Variants in TULP4 observed in about 807,000 individuals in gnomAD.
TULP4 encodes tubby-related protein 4.
Under a neutral mutation model 129.0 loss-of-function variants are expected in TULP4, and 16 were observed. The observed-to-expected ratio is 0.12, with a 90% CI of 0.08 to 0.19. The LOEUF (loss-of-function observed/expected upper bound fraction) is 0.19, where lower values mean the gene tolerates loss of function less well. Among genes scored for constraint, TULP4 ranks in the 10% least tolerant of loss-of-function variants. The pLI is 1.00. For missense variants in TULP4, 1,842 were observed against 2,059.1 expected (o/e 0.89, Z 2.04); for synonymous variants, 998 against 854.0 (o/e 1.17, Z -2.94).
chr6:158,441,379 A>G (rs1328738182), intron 3 of TULP4, among the ~76,000 whole-genome samples: 1 of 152,228 alleles, frequency 6.6e-6, no homozygotes, highest in African/African-American at 2.4e-5. Context: ...CTCTTGTCAC[A>G]TATACCTTCT....
intron 3 of TULP4, 123 bp from the exon 4 acceptor site, chr6:158,448,873 A>T: frequency 2.0e-6 from 2 of 977,902 alleles, no homozygotes; most frequent in Non-Finnish European, 2.9e-6. Context: ...TGCTGTTGTT[A>T]CTTAACTAGC....
At position 158,504,513 on chromosome 6, in the gene TULP4, A is replaced by ATT. The variant is rs769598967; in HGVS notation, c.4515+350_4515+351dup. ...ACGTGCCCGCCACCATGCCCGGCTAATTTTTTTTTTTTTTTTGTATTTTTA... is the reference window on the plus strand; with the variant it reads ...ACGTGCCCGCCACCATGCCCGGCTAATTTTTTTTTTTTTTTTTTGTATTTTTA... On this transcript the variant is annotated intron_variant, in intron 13 of 13. Transcript: ENST00000367097. 9.5e-3 allele frequency among the ~76,000 whole-genome samples: 1,313 copies of ATT among 138,932 alleles called. 20 individuals are homozygous for ATT. The highest frequency in any genetic ancestry group is 0.029 in the African/African-American group (1,079 of 37,524). The allele number at this position is 138,932 out of a possible 152,430, so 91.1% of individuals were successfully genotyped here.
intron 1 of TULP4, among the ~76,000 whole-genome samples, chr6:158,346,847 T>C (rs950349666): frequency 1.3e-5 from 2 of 152,220 alleles, no homozygotes; most frequent in Non-Finnish European, 2.9e-5. Flanking sequence ...TCTGATCTGC[T>C]ACTTGCTAAT....
chr6:158,284,342 A>G (rs1778803640), intron 1 of TULP4, among the ~76,000 whole-genome samples: 1 of 152,240 alleles, frequency 6.6e-6, no homozygotes, highest in South Asian at 2.1e-4. Flanking sequence ...GAAAACCCCA[A>G]GCTGAGAAAC....
Position 158,479,256 on chromosome 6 carries a change from A to G in TULP4, c.1027-495A>G, listed in dbSNP as rs187951490. ...TAGAAAAACAGCCCTTCAGTAAGGAATGTGAGTTACTGCACCACAAGGTGA... is the reference window on the plus strand; with the variant it reads ...TAGAAAAACAGCCCTTCAGTAAGGAGTGTGAGTTACTGCACCACAAGGTGA... On this transcript the variant is annotated intron_variant, in intron 6 of 13. Coordinates refer to ENST00000367097, the MANE Select transcript of TULP4 (RefSeq NM_020245.5). Among the ~76,000 whole-genome samples the G allele has an allele frequency of 4.3e-3, 648 of 152,304 alleles. 3 individuals are homozygous for G. Among genetic ancestry groups the G allele is most frequent in the South Asian group, 0.013 (61 of 4,822 alleles).
intron 1 of TULP4, among the ~76,000 whole-genome samples, chr6:158,387,256 T>C (rs1285194706): frequency 1.3e-5 from 2 of 152,108 alleles, no homozygotes; most frequent in Non-Finnish European, 2.9e-5. Flanking sequence ...CCCCTGCTGG[T>C]CAGGAACATC....
chr6:158,353,662 A>G (rs76545064), intron 1 of TULP4, among the ~76,000 whole-genome samples: 2,264 of 152,268 alleles, frequency 0.015, 57 homozygotes, highest in African/African-American at 0.052. Flanking sequence ...ATTGAGTGCT[A>G]TTTGTGGAGA....
chr6:158,346,251 A>G (rs560371951), intron 1 of TULP4, among the ~76,000 whole-genome samples: 71 of 152,336 alleles, frequency 4.7e-4, no homozygotes, highest in African/African-American at 1.5e-3. Context: ...TACGAAGATA[A>G]CAGGATTAAG....
chr6:158,257,808 G>A (rs1239032614), intron 1 of TULP4, among the ~76,000 whole-genome samples: 7 of 152,184 alleles, frequency 4.6e-5, no homozygotes, highest in East Asian at 1.9e-4. Context: ...GCAGCGGTAC[G>A]AAATAGAGAA....
At chr6:158,458,367 C>T (rs1432596650) in intron 5 of TULP4, among the ~76,000 whole-genome samples, 31 of 152,082 alleles carry the variant, frequency 2.0e-4, no homozygotes, top group Non-Finnish European at 1.0e-4. Flanking sequence ...AGACCGAAAA[C>T]CCACACCCCC....
chr6:158,314,335 G>T, intron 1 of TULP4, 67 bp downstream of exon 1: 2 of 1,553,156 alleles, frequency 1.3e-6, no homozygotes. Flanking sequence ...TTGTGGACTT[G>T]AAACTTCCTT....
At chr6:158,364,957 G>A (rs112149184) in intron 1 of TULP4, among the ~76,000 whole-genome samples, 8 of 151,922 alleles carry the variant, frequency 5.3e-5, no homozygotes, top group African/African-American at 1.4e-4. Context: ...GGATGGTCTC[G>A]ATCTCCTGAC....
intron 1 of TULP4, among the ~76,000 whole-genome samples, chr6:158,284,917 G>A (rs1392968646): frequency 3.9e-5 from 6 of 152,168 alleles, no homozygotes; most frequent in African/African-American, 1.4e-4. Context: ...GCTATGAAAG[G>A]TTAACCAGCA....
intron 1 of TULP4, among the ~76,000 whole-genome samples, chr6:158,251,783 C>T (rs1458858353): frequency 6.6e-6 from 1 of 152,174 alleles, no homozygotes; most frequent in Non-Finnish European, 1.5e-5. Context: ...TTTGACAGTG[C>T]AGAGTCTTTG....
intron 3 of TULP4, among the ~76,000 whole-genome samples, chr6:158,444,880 T>C (rs1009652698): frequency 6.6e-6 from 1 of 152,194 alleles, no homozygotes; most frequent in Admixed American, 6.5e-5. Flanking sequence ...GGAGCAATCA[T>C]GGCTCACTGC....
Position 158,489,829 on chromosome 6 carries a change from C to G in TULP4, c.1631+97C>G, listed in dbSNP as rs982748108. On this transcript the variant is annotated intron_variant, in intron 9 of 13. Transcript: ENST00000367097. ...TCGCATTGAAACTGACCAGAAGAGT[C>G]AAAGAGCAACCTCCCTGCCTTTTCT... 1.9e-5 allele frequency: 27 copies of G among 1,413,532 alleles called. No individual in the cohort carries two copies. In the Admixed American group the frequency reaches 5.9e-4, roughly 31 times the overall value. The allele number at this position is 1,413,532 out of a possible 1,614,324, so 87.6% of individuals were successfully genotyped here. A position where few individuals can be genotyped will look rare whatever the true frequency, so the allele number is the denominator to read the frequency against.
chr6:158,404,377 GCC>G (rs1777925777), intron 1 of TULP4, among the ~76,000 whole-genome samples: 1 of 152,106 alleles, frequency 6.6e-6, no homozygotes, highest in African/African-American at 2.4e-5. Flanking sequence ...AAGATGTTAG[GCC>G]AGGGATCTCT....
At chr6:158,299,222 C>T (rs1163146491) in intron 1 of TULP4, among the ~76,000 whole-genome samples, 2 of 152,114 alleles carry the variant, frequency 1.3e-5, no homozygotes, top group East Asian at 1.9e-4. Context: ...TGATGATCCT[C>T]GTCATCCCAA....
chr6:158,408,816 A>G (rs1252943233), intron 1 of TULP4, among the ~76,000 whole-genome samples: 2 of 152,216 alleles, frequency 1.3e-5, no homozygotes, highest in African/African-American at 2.4e-5. Flanking sequence ...AAATGACCAC[A>G]TGTGTCTACA....
Sources: gnomAD v4.1 joint callset for allele counts (sites outside exome capture counted in the v4.1 genomes callset) on GRCh38, gnomAD v4.1.1 for gene constraint, MANE v1.5 for transcripts, NCBI Gene and HGNC (gene_info 2026-07-23, HGNC 2026-07-21) for gene names.